The following DPM1 variants were observed in gnomAD, a reference collection of about 807,000 sequenced individuals.
DPM1 encodes dolichyl-phosphate mannosyltransferase subunit 1, catalytic, also known as dolichol-phosphate mannosyltransferase subunit 1.
A neutral mutation model predicts 39.0 loss-of-function variants in DPM1; 27 were observed. The observed-to-expected ratio is 0.69, with a 90% CI of 0.51 to 0.95. The LOEUF (loss-of-function observed/expected upper bound fraction) is 0.95. DPM1 is among the 40% of genes least tolerant of loss of function. The pLI, the probability that DPM1 is intolerant of heterozygous loss-of-function variation, is 0.00. For missense variants in DPM1, 307 were observed against 315.6 expected (o/e 0.97, Z 0.21); for synonymous variants, 124 against 109.0 (o/e 1.14, Z -0.86).
intron 2 of DPM1, among the ~76,000 whole-genome samples, chr20:50,950,164 C>A (rs546590254): frequency 6.6e-6 from 1 of 152,218 alleles, no homozygotes; most frequent in Non-Finnish European, 1.5e-5. Context: ...CTTACAAAAC[C>A]CATCTTATAG....
At chr20:50,957,081 C>A (rs910073) in intron 1 of DPM1, among the ~76,000 whole-genome samples, 144,588 of 152,274 alleles carry the variant, frequency 0.95, 68,716 homozygotes, top group East Asian at 1. Flanking sequence ...ATGATAGTTA[C>A]TTTCTTTAAT....
At chr20:50,947,527 T>G (rs1986358506) in intron 3 of DPM1, among the ~76,000 whole-genome samples, 1 of 152,232 alleles carries the variant, frequency 6.6e-6, no homozygotes. Flanking sequence ...GCATTGTGCT[T>G]TCTTCATGTT....
At chr20:50,952,652 T>C (rs1472499192) in intron 2 of DPM1, among the ~76,000 whole-genome samples, 1 of 152,222 alleles carries the variant, frequency 6.6e-6, no homozygotes, top group African/African-American at 2.4e-5. Context: ...GTTTTGGTCT[T>C]ATGAATTATC....
At chr20:50,948,103 G>A (rs1986389189) in intron 3 of DPM1, among the ~76,000 whole-genome samples, 1 of 152,144 alleles carries the variant, frequency 6.6e-6, no homozygotes, top group South Asian at 2.1e-4. Flanking sequence ...ACAGCTTTGG[G>A]AGGTACAGGT....
chr20:50,948,896 T>A (rs910203472), intron 2 of DPM1, among the ~76,000 whole-genome samples: 1 of 152,084 alleles, frequency 6.6e-6, no homozygotes, highest in Non-Finnish European at 1.5e-5. Context: ...AGTCTCGCTC[T>A]GTTGCCTAGG....
At chr20:50,951,011 T>C (rs956315930) in intron 2 of DPM1, among the ~76,000 whole-genome samples, 6 of 152,242 alleles carry the variant, frequency 3.9e-5, no homozygotes, top group Admixed American at 2.0e-4. Context: ...CTTTTTCTTA[T>C]ACATACACAC....
rs767580236 is a variant in DPM1 at position 50,945,733 on chromosome 20, C to T, written c.398+4G>A. 4 of 1,557,094 alleles carry T rather than the reference C, an allele frequency of 2.6e-6. No individual in the cohort carries two copies. Among genetic ancestry groups the T allele is most frequent in the Non-Finnish European group, 3.5e-6 (4 of 1,129,710 alleles). On this transcript the variant is annotated splice_donor_region_variant and intron_variant, in intron 5 of 8. Transcript: ENST00000371588. ...TTCTTTCAAATATTAGAAATAGTAC[C>T]TACCTAATAAATTCAGGAATAAATT...
At chr20:50,935,368 A>C in intron 8 of DPM1, 132 bp from the exon 9 acceptor site, 1 of 661,196 alleles carries the variant, frequency 1.5e-6, no homozygotes, top group African/African-American at 1.8e-5. Flanking sequence ...GTATAAAATT[A>C]GGGGATTATG....
intron 1 of DPM1, among the ~76,000 whole-genome samples, chr20:50,956,634 T>C (rs1358524303): frequency 6.6e-6 from 1 of 152,224 alleles, no homozygotes; most frequent in African/African-American, 2.4e-5. Flanking sequence ...CCAGCAAACT[T>C]TGAAGACAAG....
rs759423847 is a variant in DPM1, at chr20:50,948,671, A to G, written c.262-9T>C. 1.9e-6 allele frequency: 3 copies of G among 1,613,308 alleles called. No individual in the cohort carries two copies. Among genetic ancestry groups the G allele is most frequent in the Non-Finnish European group, 2.5e-6 (3 of 1,179,218 alleles). On this transcript the variant is annotated splice_polypyrimidine_tract_variant and intron_variant, in intron 2 of 8. Coordinates refer to ENST00000371588, the MANE Select transcript of DPM1 (RefSeq NM_003859.3). Reference sequence around the variant, plus strand: ...TCTCGTGGTCTTAGAAGCTGTAGGAATAAGAAATAGCATTTTACACACAGA... The same window carrying G: ...TCTCGTGGTCTTAGAAGCTGTAGGAGTAAGAAATAGCATTTTACACACAGA...
At chr20:50,950,076 G>A (rs1986498339) in intron 2 of DPM1, among the ~76,000 whole-genome samples, 1 of 151,894 alleles carries the variant, frequency 6.6e-6, no homozygotes, top group Non-Finnish European at 1.5e-5. Context: ...ATTATCTTCT[G>A]TACTATTATG....
At chr20:50,958,321 C>T (rs1335672776) in intron 1 of DPM1, 42 bp downstream of exon 1, 2 of 1,607,490 alleles carry the variant, frequency 1.2e-6, no homozygotes, top group Non-Finnish European at 1.7e-6. Context: ...CCGGGGAAGC[C>T]AGCTCATCTC....
At chr20:50,957,920 T>C (rs771446424) in intron 1 of DPM1, among the ~76,000 whole-genome samples, 9 of 152,112 alleles carry the variant, frequency 5.9e-5, no homozygotes, top group Non-Finnish European at 7.3e-5. Flanking sequence ...TGCCCAGCAA[T>C]AGCTCCCTAA....
rs1384098001 is a variant in DPM1 at position 50,936,178 on chromosome 20, C to A, written c.648G>T (p.Arg216=). 1 of 1,613,416 alleles carries A rather than the reference C, an allele frequency of 6.2e-7. No homozygotes were observed. The highest frequency in any genetic ancestry group is 1.3e-5 in the African/African-American group (1 of 74,874). The change falls in exon 8 of 9, where the codon CGG becomes CGT. Residue 216 remains arginine (R), a synonymous_variant. Coordinates refer to ENST00000371588, the MANE Select transcript of DPM1 (RefSeq NM_003859.3). ...GYVFQMEMIV[R]ARQLNYTIGE... The stretch of plus-strand genomic sequence containing the variant: ...CAATAGTATAATTCAACTGTCTTGC[C>A]CGAACAATCATCTCCATCTGGAAGA...
chr20:50,946,033 A>G (rs1199690973), intron 3 of DPM1, 110 bp from the exon 4 acceptor site: 2 of 905,858 alleles, frequency 2.2e-6, no homozygotes, highest in African/African-American at 3.3e-5. Flanking sequence ...AGTTCTCTAA[A>G]AGTCAGATTA....
intron 1 of DPM1, among the ~76,000 whole-genome samples, chr20:50,956,521 G>A (rs1986828827): frequency 7.0e-6 from 1 of 142,572 alleles, no homozygotes; most frequent in Non-Finnish European, 1.5e-5. Flanking sequence ...GCAAGACTCC[G>A]TCTCCAAAAG....
chr20:50,958,339 G>A (rs755308021), intron 1 of DPM1, 24 bp downstream of exon 1: 4 of 1,611,392 alleles, frequency 2.5e-6, no homozygotes, highest in Non-Finnish European at 3.4e-6. Flanking sequence ...CTCATTCTTC[G>A]GGGAGGGAGA....
intron 5 of DPM1, among the ~76,000 whole-genome samples, chr20:50,944,006 C>T (rs1270162355): frequency 6.6e-6 from 1 of 151,502 alleles, no homozygotes; most frequent in African/African-American, 2.4e-5. Flanking sequence ...CCCCAAAGTG[C>T]TGGGATTACA....
chr20:50,944,032 G>A (rs964513852), intron 5 of DPM1, among the ~76,000 whole-genome samples: 11 of 152,074 alleles, frequency 7.2e-5, no homozygotes, highest in African/African-American at 2.2e-4. Context: ...GAGCCACTGC[G>A]CCCGGCCAAG....
Sources: allele counts gnomAD v4.1 joint callset (sites outside exome capture counted in the v4.1 genomes callset), GRCh38; gene constraint gnomAD v4.1.1; transcripts MANE v1.5; gene names NCBI Gene and HGNC (gene_info 2026-07-23, HGNC 2026-07-21).